Variants in E2F3 observed in about 807,000 individuals in gnomAD.
The protein encoded by E2F3 is E2F transcription factor 3, also known as transcription factor E2F3.
In E2F3, 11 loss-of-function variants were observed where a neutral mutation model predicts 44.4. That is an observed-to-expected ratio of 0.25 (90% confidence interval 0.16 to 0.41). E2F3 has a LOEUF of 0.41. Among genes scored for constraint, E2F3 ranks in the 10% least tolerant of loss-of-function variants. The pLI, the probability that E2F3 is intolerant of heterozygous loss-of-function variation, is 1.00. For synonymous variants in E2F3, 249 were observed against 253.0 expected (o/e 0.98, Z 0.15); for missense variants, 487 against 583.6 (o/e 0.83, Z 1.70).
chr6:20,487,543 C>G (rs1461285732), intron 5 of E2F3, among the ~76,000 whole-genome samples: 1 of 152,074 alleles, frequency 6.6e-6, no homozygotes, highest in African/African-American at 2.4e-5. Context: ...AAAGTCCTAC[C>G]ATAAAGGAAC....
chr6:20,454,588 T>A (rs748946744), intron 1 of E2F3, among the ~76,000 whole-genome samples: 3 of 152,220 alleles, frequency 2.0e-5, no homozygotes, highest in Non-Finnish European at 4.4e-5. Flanking sequence ...TGCCACTGGG[T>A]CAGTGCTTCC....
At chr6:20,489,166 T>C (rs561823449) in intron 6 of E2F3, among the ~76,000 whole-genome samples, 8 of 152,332 alleles carry the variant, frequency 5.3e-5, no homozygotes, top group Non-Finnish European at 1.0e-4. Flanking sequence ...TTTAAGTGAA[T>C]AAGTCTGATT....
At chr6:20,423,201 A>G (rs1180788998) in intron 1 of E2F3, among the ~76,000 whole-genome samples, 1 of 152,208 alleles carries the variant, frequency 6.6e-6, no homozygotes, top group East Asian at 1.9e-4. Context: ...ATCATTTTGC[A>G]GACATCATAG....
intron 5 of E2F3, 130 bp from the exon 6 acceptor site, chr6:20,487,982 AG>A: frequency 7.9e-7 from 1 of 1,260,364 alleles, no homozygotes; most frequent in Non-Finnish European, 1.1e-6. Flanking sequence ...TCTTTCATAG[AG>A]TTGGACTAGT....
intron 1 of E2F3, among the ~76,000 whole-genome samples, chr6:20,432,533 T>C (rs1198799589): frequency 6.6e-6 from 1 of 152,232 alleles, no homozygotes; most frequent in Admixed American, 6.5e-5. Flanking sequence ...GAAAGCGTAC[T>C]TCTTCAGTGG....
intron 1 of E2F3, among the ~76,000 whole-genome samples, chr6:20,433,867 A>C (rs1760489553): frequency 6.6e-6 from 1 of 152,216 alleles, no homozygotes; most frequent in South Asian, 2.1e-4. Flanking sequence ...ATTATGTGAA[A>C]AGAGAAGTCC....
intron 1 of E2F3, among the ~76,000 whole-genome samples, chr6:20,414,042 C>T (rs533548583): frequency 1.3e-5 from 2 of 152,206 alleles, no homozygotes; most frequent in East Asian, 1.9e-4. Flanking sequence ...TGGGCCATCC[C>T]GTTTTCTGAG....
chr6:20,417,203 A>G (rs1239075309), intron 1 of E2F3, among the ~76,000 whole-genome samples: 1 of 152,184 alleles, frequency 6.6e-6, no homozygotes, highest in Admixed American at 6.5e-5. Flanking sequence ...ATGTCTGGTA[A>G]TTTGGGTATT....
At chr6:20,466,557 G>GT (rs1426021196) in intron 1 of E2F3, among the ~76,000 whole-genome samples, 11 of 152,026 alleles carry the variant, frequency 7.2e-5, no homozygotes, top group Non-Finnish European at 1.5e-4. Context: ...GATTTTTTGG[G>GT]TTTTTTCTTG....
chr6:20,450,707 G>C (rs567706707), intron 1 of E2F3, among the ~76,000 whole-genome samples: 11 of 152,210 alleles, frequency 7.2e-5, no homozygotes, highest in Admixed American at 6.5e-4. Context: ...GCCCGTTCCT[G>C]TTTTCAGAAT....
intron 4 of E2F3, 62 bp downstream of exon 4, chr6:20,482,982 C>T (rs1354217155): frequency 1.2e-6 from 2 of 1,605,240 alleles, no homozygotes; most frequent in Non-Finnish European, 1.7e-6. Flanking sequence ...CCAGAGTTGA[C>T]AATCTGACTT....
intron 1 of E2F3, among the ~76,000 whole-genome samples, chr6:20,421,311 A>G (rs988503526): frequency 5.9e-5 from 9 of 152,204 alleles, no homozygotes; most frequent in African/African-American, 2.2e-4. Flanking sequence ...ACTCCTTTCC[A>G]GAAAGTTTGT....
At chr6:20,464,968 T>C (rs1250274255) in intron 1 of E2F3, among the ~76,000 whole-genome samples, 3 of 152,222 alleles carry the variant, frequency 2.0e-5, no homozygotes, top group African/African-American at 4.8e-5. Flanking sequence ...ACAACTTCCT[T>C]ATATAAAGCC....
chr6:20,447,493 T>A (rs972371583), intron 1 of E2F3, among the ~76,000 whole-genome samples: 2 of 143,338 alleles, frequency 1.4e-5, no homozygotes, highest in African/African-American at 5.2e-5. Flanking sequence ...CTTGAGCAGG[T>A]CTTGGGGGCA....
chr6:20,447,578 C>T (rs900925853), intron 1 of E2F3, among the ~76,000 whole-genome samples: 6 of 151,844 alleles, frequency 4.0e-5, no homozygotes, highest in Admixed American at 1.3e-4. Flanking sequence ...ACTGATCTAG[C>T]CTCTAAGGGG....
intron 1 of E2F3, among the ~76,000 whole-genome samples, chr6:20,446,079 C>T (rs2127598281): frequency 6.6e-6 from 1 of 152,308 alleles, no homozygotes; most frequent in East Asian, 1.9e-4. Flanking sequence ...AGAGAAAACC[C>T]ACGCGGATGT....
intron 1 of E2F3, 25 bp from the exon 2 acceptor site, chr6:20,479,821 G>A (rs369847098): frequency 3.7e-5 from 59 of 1,591,182 alleles, no homozygotes; most frequent in Middle Eastern, 1.7e-4. Context: ...GACCGGTGAC[G>A]AGAGATCGCA....
Position 20,402,602 on chromosome 6 carries a change from AGCG to A in E2F3, c.385_387del (p.Gly129del), listed in dbSNP as rs746263274. ...GCCACCAGCGCTGGGACGCGGCGGC[AGCG>A]GCGGCGGCGGCGGCCCTCCGGTAAT... On this transcript the variant is annotated inframe_deletion, in exon 1 of 7. Coordinates refer to ENST00000346618, the MANE Select transcript of E2F3 (RefSeq NM_001949.5). This position sits in a 1 kb window ranked among gnomAD's most constrained non-coding sequence, Gnocchi z 5.6. The A allele has an allele frequency of 2.3e-4, 306 of 1,329,624 alleles. No individual in the cohort carries two copies. Among genetic ancestry groups the A allele is most frequent in the South Asian group, 1.1e-3 (57 of 51,096 alleles). 82.4% of individuals were successfully genotyped at this position (1,329,624 alleles called of 1,614,324 possible).
intron 1 of E2F3, among the ~76,000 whole-genome samples, chr6:20,463,376 C>T (rs1406209439): frequency 6.6e-6 from 1 of 152,072 alleles, no homozygotes; most frequent in Non-Finnish European, 1.5e-5. Flanking sequence ...TAGTGAAGTC[C>T]CCTATCTGTA....
Sources: allele counts gnomAD v4.1 joint callset (sites outside exome capture counted in the v4.1 genomes callset), GRCh38; gene constraint gnomAD v4.1.1; non-coding constraint Gnocchi (gnomAD v3.1); transcripts MANE v1.5; gene names NCBI Gene and HGNC (gene_info 2026-07-23, HGNC 2026-07-21).